Variants in ULK4 observed in about 807,000 individuals in gnomAD.
ULK4 encodes the protein unc-51 like kinase 4, also known as inactive serine/threonine-protein kinase ULK4.
In ULK4, 133 loss-of-function variants were observed where a neutral mutation model predicts 160.6. The ratio of observed to expected loss-of-function variants is 0.83; its 90% CI spans 0.72 to 0.96. The LOEUF (loss-of-function observed/expected upper bound fraction) is 0.96. Ranked by LOEUF, ULK4 falls within the 40% of genes least tolerant of loss-of-function variation. ULK4 has a pLI of 0.00. For missense variants in ULK4, 1,580 were observed against 1,499.5 expected (o/e 1.05, Z -0.89); for synonymous variants, 534 against 539.8 (o/e 0.99, Z 0.15).
intron 31 of ULK4, among the ~76,000 whole-genome samples, chr3:41,604,551 A>C (rs2032277501): frequency 6.6e-6 from 1 of 152,156 alleles, no homozygotes; most frequent in Admixed American, 6.5e-5. Context: ...CATACATGAA[A>C]TATCTGGGCC....
At chr3:41,549,117 T>C (rs1165743827) in intron 32 of ULK4, among the ~76,000 whole-genome samples, 1 of 151,916 alleles carries the variant, frequency 6.6e-6, no homozygotes, top group African/African-American at 2.4e-5. Flanking sequence ...GATATCAACA[T>C]AAGGACATAA....
intron 35 of ULK4, among the ~76,000 whole-genome samples, chr3:41,306,759 G>A (rs1046495528): frequency 4.0e-5 from 6 of 151,884 alleles, no homozygotes; most frequent in African/African-American, 1.5e-4. Flanking sequence ...TGTCTGTGTA[G>A]AAAGAAGTAA....
intron 35 of ULK4, among the ~76,000 whole-genome samples, chr3:41,272,583 ATT>A (rs200983925): frequency 6.9e-6 from 1 of 144,020 alleles, no homozygotes; most frequent in Non-Finnish European, 1.5e-5. Flanking sequence ...ACCTTGGTGT[ATT>A]TTTTTTTTTT....
rs1041273045 is a variant in ULK4, at chr3:41,325,163, G to A, written c.3678+72916C>T. Reference sequence around the variant, plus strand: ...AGTACAGCTTGACATCATACGCTCAGTCCCTAGTGACTAAAAGATGGGTAT... The same window carrying A: ...AGTACAGCTTGACATCATACGCTCAATCCCTAGTGACTAAAAGATGGGTAT... On this transcript the variant is annotated intron_variant, in intron 35 of 36. Transcript: ENST00000301831. 5.9e-5 allele frequency among the ~76,000 whole-genome samples: 9 copies of A among 152,110 alleles called. No homozygotes were observed. The East Asian group carries it at 1.2e-3, about 20-fold the overall frequency.
chr3:41,872,826 CT>C (rs1031031594), intron 17 of ULK4, among the ~76,000 whole-genome samples: 3 of 151,880 alleles, frequency 2.0e-5, no homozygotes, highest in Non-Finnish European at 2.9e-5. Flanking sequence ...ATATGTAAGA[CT>C]TTTTTTCCCT....
intron 2 of ULK4, among the ~76,000 whole-genome samples, chr3:41,951,034 C>T (rs919089552): frequency 3.3e-4 from 49 of 149,518 alleles, no homozygotes; most frequent in African/African-American, 1.2e-3. Context: ...GTCCCAGCTA[C>T]TCAAGAGGCT....
At chr3:41,891,750 C>A (rs1304156423) in intron 16 of ULK4, among the ~76,000 whole-genome samples, 1 of 152,016 alleles carries the variant, frequency 6.6e-6, no homozygotes, top group Non-Finnish European at 1.5e-5. Context: ...TACAAAAATA[C>A]AAAAATTAGC....
At chr3:41,272,255 G>T (rs1017599143) in intron 35 of ULK4, among the ~76,000 whole-genome samples, 3 of 151,988 alleles carry the variant, frequency 2.0e-5, no homozygotes, top group African/African-American at 7.2e-5. Flanking sequence ...TCTGCCTGAA[G>T]GGCTTCCTGT....
intron 35 of ULK4, among the ~76,000 whole-genome samples, chr3:41,306,892 TTA>T (rs1281776120): frequency 6.6e-6 from 1 of 151,494 alleles, no homozygotes; most frequent in Non-Finnish European, 1.5e-5. Flanking sequence ...CCACTCAGGG[TTA>T]AATGGATTAA....
chr3:41,673,436 G>C (rs9876998), intron 29 of ULK4, among the ~76,000 whole-genome samples: 15,701 of 151,956 alleles, frequency 0.1, 1,805 homozygotes, highest in African/African-American at 0.28. Flanking sequence ...GTTCCTAAAA[G>C]GAAATGCCAT....
chr3:41,686,193 C>T (rs2036095605), intron 27 of ULK4, among the ~76,000 whole-genome samples: 1 of 152,046 alleles, frequency 6.6e-6, no homozygotes, highest in Non-Finnish European at 1.5e-5. Context: ...TGAGCTGACA[C>T]AGTATGTAGA....
intron 8 of ULK4, chr3:41,913,291 T>C (rs1698857636): frequency 6.4e-6 from 1 of 155,368 alleles, no homozygotes; most frequent in African/African-American, 2.5e-5. Context: ...AGTGGCGCGA[T>C]CTCGGCTCAC....
intron 30 of ULK4, among the ~76,000 whole-genome samples, chr3:41,650,485 G>A (rs2034695571): frequency 1.3e-5 from 2 of 152,204 alleles, no homozygotes. Context: ...CACAGTGGAG[G>A]CTGCTTGTGG....
At chr3:41,523,772 C>T (rs564866385) in intron 32 of ULK4, among the ~76,000 whole-genome samples, 1 of 152,282 alleles carries the variant, frequency 6.6e-6, no homozygotes, top group East Asian at 1.9e-4. Flanking sequence ...AGCAATTCCA[C>T]TCCTAGGTAT....
chr3:41,310,043 T>C (rs1178398380), intron 35 of ULK4, among the ~76,000 whole-genome samples: 1 of 152,206 alleles, frequency 6.6e-6, no homozygotes, highest in Non-Finnish European at 1.5e-5. Flanking sequence ...CTAGAAACCT[T>C]GATGAACTTT....
intron 32 of ULK4, among the ~76,000 whole-genome samples, chr3:41,483,462 T>C (rs1476160431): frequency 1.3e-5 from 2 of 152,138 alleles, no homozygotes; most frequent in Non-Finnish European, 1.5e-5. Flanking sequence ...AGTTATCTCT[T>C]AATTTTGGTC....
chr3:41,767,199 A>G (rs1462572582), intron 21 of ULK4, among the ~76,000 whole-genome samples: 4 of 152,216 alleles, frequency 2.6e-5, no homozygotes, highest in African/African-American at 7.2e-5. Flanking sequence ...AGTTGTTTAA[A>G]AAGTTGAAGC....
intron 30 of ULK4, among the ~76,000 whole-genome samples, chr3:41,647,782 G>A (rs564634254): frequency 6.6e-6 from 1 of 152,348 alleles, no homozygotes; most frequent in South Asian, 2.1e-4. Flanking sequence ...TTGTTTGTCT[G>A]TGCCCTGCCC....
Position 41,742,520 on chromosome 3 carries a change from C to T in ULK4, c.2321+11841G>A, listed in dbSNP as rs372985991. On this transcript the variant is annotated intron_variant, in intron 22 of 36. Transcript: ENST00000301831. ...TCAGCAACATTAAGACTTAATGACA[C>T]AGAGCAAGATGAGGACTCAAGACCT... 6.4e-4 allele frequency among the ~76,000 whole-genome samples: 97 copies of T among 151,946 alleles called. 1 individual carries two copies. In the South Asian group the frequency reaches 0.019, roughly 29 times the overall value.
Sources: gnomAD v4.1 joint callset for allele counts (sites outside exome capture counted in the v4.1 genomes callset) on GRCh38, gnomAD v4.1.1 for gene constraint, MANE v1.5 for transcripts, NCBI Gene and HGNC (gene_info 2026-07-23, HGNC 2026-07-21) for gene names.